The following NPEPPS variants were observed in gnomAD, a reference collection of about 807,000 sequenced individuals.
The protein encoded by NPEPPS is puromycin-sensitive aminopeptidase.
A neutral mutation model predicts 115.5 loss-of-function variants in NPEPPS; 14 were observed. The ratio of observed to expected loss-of-function variants is 0.12; its 90% CI spans 0.08 to 0.19. The LOEUF (loss-of-function observed/expected upper bound fraction) is 0.19, where lower values mean the gene tolerates loss of function less well. Ranked by LOEUF, NPEPPS falls within the 10% of genes least tolerant of loss-of-function variation. The pLI, the probability that NPEPPS is intolerant of heterozygous loss-of-function variation, is 1.00. For synonymous variants in NPEPPS, 285 were observed against 390.6 expected (o/e 0.73, Z 3.19); for missense variants, 523 against 1,110.8 (o/e 0.47, Z 7.52).
At chr17:47,574,703 A>G (rs538308916) in intron 3 of NPEPPS, among the ~76,000 whole-genome samples, 25 of 152,032 alleles carry the variant, frequency 1.6e-4, no homozygotes, top group Non-Finnish European at 2.8e-4. Context: ...TGATTCTCCC[A>G]CTTCAGCCTC....
upstream of NPEPPS, among the ~76,000 whole-genome samples, chr17:47,528,608 G>A (rs2143637753): frequency 6.6e-6 from 1 of 152,032 alleles, no homozygotes; most frequent in Non-Finnish European, 1.5e-5. Flanking sequence ...AAGTTGGTGT[G>A]AACAAAATAA....
intron 1 of NPEPPS, among the ~76,000 whole-genome samples, chr17:47,542,026 T>C (rs1021479195): frequency 2.0e-5 from 3 of 152,202 alleles, no homozygotes; most frequent in African/African-American, 7.2e-5. Context: ...AAATATGTAT[T>C]GGTTATTAAT....
chr17:47,553,246 G>C (rs575698503), intron 2 of NPEPPS, among the ~76,000 whole-genome samples: 1 of 151,344 alleles, frequency 6.6e-6, no homozygotes, highest in African/African-American at 2.4e-5. Context: ...GGTGGTAGGC[G>C]CCTGTAATCC....
intron 16 of NPEPPS, 59 bp downstream of exon 16, chr17:47,604,108 T>C (rs1332680580): frequency 6.5e-7 from 1 of 1,526,868 alleles, no homozygotes; most frequent in African/African-American, 1.4e-5. Flanking sequence ...ATTCTGTTTT[T>C]CCTGGAGTGT....
intron 2 of NPEPPS, among the ~76,000 whole-genome samples, chr17:47,551,919 A>G (rs1212050783): frequency 7.1e-6 from 1 of 140,608 alleles, no homozygotes; most frequent in East Asian, 2.1e-4. Context: ...CATTAAGACA[A>G]AAGTCTTAAG....
chr17:47,534,690 T>G (rs1251542437), intron 1 of NPEPPS, among the ~76,000 whole-genome samples: 3 of 151,986 alleles, frequency 2.0e-5, no homozygotes, highest in Non-Finnish European at 4.4e-5. Flanking sequence ...TGCCTCAGCC[T>G]CCTGGGTAGC....
chr17:47,611,031 T>G (rs1013257937), intron 17 of NPEPPS, among the ~76,000 whole-genome samples: 1 of 148,060 alleles, frequency 6.8e-6, no homozygotes, highest in Non-Finnish European at 1.5e-5. Flanking sequence ...TTTTTTGTAT[T>G]TTAGTAGAGA....
intron 2 of NPEPPS, among the ~76,000 whole-genome samples, chr17:47,552,490 T>G (rs1172636195): frequency 6.6e-6 from 1 of 152,210 alleles, no homozygotes; most frequent in East Asian, 1.9e-4. Flanking sequence ...ATTCTTTCAC[T>G]TTTACATTTG....
chr17:47,527,734 GA>G (rs57118275), upstream of NPEPPS, among the ~76,000 whole-genome samples: 513 of 149,790 alleles, frequency 3.4e-3, 2 homozygotes, highest in African/African-American at 0.011. Context: ...GAAATAAAAA[GA>G]AAAAAAAGAA....
chr17:47,564,177 C>A (rs1442533622), intron 2 of NPEPPS, among the ~76,000 whole-genome samples: 1 of 152,160 alleles, frequency 6.6e-6, no homozygotes, highest in African/African-American at 2.4e-5. Flanking sequence ...CCACCTCGGT[C>A]TCCCAAAGTG....
intron 15 of NPEPPS, 173 bp from the exon 16 acceptor site, chr17:47,603,742 G>A (rs1913366729): frequency 2.1e-6 from 1 of 469,974 alleles, no homozygotes; most frequent in Non-Finnish European, 3.6e-6. Flanking sequence ...TTTTGTCTGT[G>A]CATTCATTCT....
chr17:47,579,508 T>G lies in NPEPPS; in HGVS notation c.537T>G (p.Phe179Leu). ...TGCGCTATGCTGCTGTAACACAGTT[T>G]GAGGTATGGGTTATTCTTCTCTAAA... ...GEVRYAAVTQ[F>L]EATDARRAFP... The change falls in exon 4 of 23, where the codon TTT becomes TTG. Residue 179 changes from phenylalanine to leucine, a missense_variant. Physicochemically the swap from Phe to Leu is conservative, Grantham distance 22. Coordinates refer to ENST00000322157, the MANE Select transcript of NPEPPS (RefSeq NM_006310.4). 6.3e-7 allele frequency: 1 copy of G among 1,593,604 alleles called. No individual in the cohort carries two copies. The highest frequency in any genetic ancestry group is 8.6e-7 in the Non-Finnish European group (1 of 1,168,998).
At chr17:47,550,248 G>A (rs904647194) in intron 2 of NPEPPS, among the ~76,000 whole-genome samples, 2 of 150,842 alleles carry the variant, frequency 1.3e-5, no homozygotes, top group Non-Finnish European at 2.9e-5. Context: ...TTACTTCTTT[G>A]TGTAAGTTTT....
intron 1 of NPEPPS, among the ~76,000 whole-genome samples, chr17:47,544,678 C>T (rs1909064226): frequency 6.6e-6 from 1 of 150,924 alleles, no homozygotes; most frequent in Admixed American, 6.6e-5. Context: ...GAATTATGGG[C>T]CTATGCCACC....
At position 47,603,983 on chromosome 17, in the gene NPEPPS, A is replaced by G. The variant is rs1170884213; in HGVS notation, c.1809A>G (p.Pro603=). The change falls in exon 16 of 23, where the codon CCA becomes CCG. Residue 603 remains proline, a synonymous_variant. Coordinates refer to ENST00000322157, the MANE Select transcript of NPEPPS (RefSeq NM_006310.4). ...YSSAMLESLL[P]GIRDLSLPPV... ...CTGCCATGCTGGAAAGTTTATTACC[A>G]GGCATTCGTGACCTTTCTCTGCCCC... The G allele has an allele frequency of 1.9e-6, 3 of 1,613,788 alleles. No homozygotes were observed. Among genetic ancestry groups the G allele is most frequent in the Non-Finnish European group, 2.5e-6 (3 of 1,179,764 alleles).
At chr17:47,542,828 G>T (rs577390312) in intron 1 of NPEPPS, among the ~76,000 whole-genome samples, 1 of 152,202 alleles carries the variant, frequency 6.6e-6, no homozygotes, top group South Asian at 2.1e-4. Context: ...TATAAGCAAG[G>T]TTATGACTAA....
At chr17:47,583,013 T>TC (rs1911978330) in intron 5 of NPEPPS, among the ~76,000 whole-genome samples, 164 bp downstream of exon 5, 1 of 150,314 alleles carries the variant, frequency 6.7e-6, no homozygotes, top group South Asian at 2.1e-4. Flanking sequence ...TTTCTTTCTT[T>TC]TTTTTTTTTT....
In NPEPPS at chr17:47,612,521, G is replaced by A. The variant is rs2143959994; in HGVS notation, c.2157G>A (p.Lys719=). Residue 719 remains lysine (K), a synonymous_variant, in exon 18 of 23, where the codon AAG becomes AAA. Transcript: ENST00000322157. The stretch of plus-strand genomic sequence containing the variant: ...GAAAACTAGGAAAAGCAGGACATAA[G>A]GCAACGTTAGAAGAAGCCCGTCGTC... ...VLGKLGKAGH[K]ATLEEARRRF... 6.2e-7 allele frequency: 1 copy of A among 1,613,958 alleles called. No individual in the cohort carries two copies. Among genetic ancestry groups the A allele is most frequent in the Non-Finnish European group, 8.5e-7 (1 of 1,179,884 alleles).
chr17:47,593,416 G>A (rs1448061344), intron 12 of NPEPPS, among the ~76,000 whole-genome samples: 1 of 152,092 alleles, frequency 6.6e-6, no homozygotes, highest in Non-Finnish European at 1.5e-5. Context: ...AATATTAGCC[G>A]GGTGTGGTGG....
Sources: allele counts gnomAD v4.1 joint callset (sites outside exome capture counted in the v4.1 genomes callset), GRCh38; gene constraint gnomAD v4.1.1; transcripts MANE v1.5; gene names NCBI Gene and HGNC (gene_info 2026-07-23, HGNC 2026-07-21).